The following INTS4 variants were observed in gnomAD, a reference collection of about 807,000 sequenced individuals.
The protein encoded by INTS4 is MSTP093.
INTS4 carries 70 observed loss-of-function variants against 119.5 expected under a neutral mutation model. That is an observed-to-expected ratio of 0.59 (90% CI 0.48 to 0.71). INTS4 has a LOEUF of 0.71. INTS4 is among the 30% of genes least tolerant of loss of function. INTS4 has a pLI of 0.00. For missense variants in INTS4, 867 were observed against 1,173.2 expected, an observed-to-expected ratio of 0.74 and a Z score of 3.81; for synonymous variants, 316 against 419.6, an observed-to-expected ratio of 0.75 and a Z score of 3.02.
chr11:77,987,505 G>A (rs1856499996), intron 2 of INTS4: 1 of 342,860 alleles, frequency 2.9e-6, no homozygotes, highest in South Asian at 2.1e-5. Flanking sequence ...AATAATGGTA[G>A]ATATTGCTAA....
intron 15 of INTS4, among the ~76,000 whole-genome samples, chr11:77,914,054 T>A (rs921840061): frequency 6.6e-6 from 1 of 152,236 alleles, no homozygotes; most frequent in African/African-American, 2.4e-5. Context: ...TGCTTCTGCC[T>A]CTTCTTAGCA....
intron 10 of INTS4, among the ~76,000 whole-genome samples, chr11:77,933,653 G>A (rs1212901566): frequency 6.6e-6 from 1 of 152,162 alleles, no homozygotes; most frequent in African/African-American, 2.4e-5. Context: ...CACCCCGTCT[G>A]GGAAGTGAAG....
chr11:77,896,868 C>T (rs1250821492), intron 18 of INTS4, among the ~76,000 whole-genome samples: 4 of 149,042 alleles, frequency 2.7e-5, no homozygotes, highest in Non-Finnish European at 4.4e-5. Context: ...CGAAGATCAG[C>T]AAGAATATTG....
chr11:77,977,895 G>T (rs111798414), intron 4 of INTS4: 18 of 143,302 alleles, frequency 1.3e-4, no homozygotes, highest in Middle Eastern at 7.1e-3. Context: ...TTGTTTTTTT[G>T]TTTTTTTTTT....
In INTS4 at chr11:77,922,372, G is replaced by GTC. The variant is rs1174106090; in HGVS notation, c.1612_1613dup (p.Asp538GlufsTer51). ...AGAGGATACAAGCTGGATCATCCAT[G>GTC]TCTGGTTCAGCTGTGTCAAAAAATG... On this transcript the variant is annotated frameshift_variant, in exon 13 of 23. Transcript: ENST00000534064. LOFTEE classifies it high-confidence loss of function. The GTC allele has an allele frequency of 6.8e-7, 1 of 1,461,242 alleles. No homozygotes were observed. The highest frequency in any genetic ancestry group is 1.4e-5 in the African/African-American group (1 of 69,952). The allele number at this position is 1,461,242 out of a possible 1,614,324, so 90.5% of individuals were successfully genotyped here. A position where few individuals can be genotyped will look rare whatever the true frequency, so the allele number is the denominator to read the frequency against.
chr11:77,950,901 T>C (rs531324836), intron 8 of INTS4, among the ~76,000 whole-genome samples: 1 of 117,728 alleles, frequency 8.5e-6, no homozygotes, highest in East Asian at 3.0e-4. Flanking sequence ...GGCCCTGGTG[T>C]GTGATGTTCC....
chr11:77,949,588 T>G (rs963553678), intron 8 of INTS4, among the ~76,000 whole-genome samples: 3 of 148,816 alleles, frequency 2.0e-5, no homozygotes, highest in African/African-American at 7.4e-5. Context: ...AAAGAAGACA[T>G]TTATGTGACC....
chr11:77,918,039 T>A, intron 15 of INTS4: 3 of 700,384 alleles, frequency 4.3e-6, no homozygotes, highest in Non-Finnish European at 7.8e-6. Flanking sequence ...ACCTTTCTCT[T>A]CCTGTTTCCT....
chr11:77,946,201 A>G (rs1270153195), intron 8 of INTS4, among the ~76,000 whole-genome samples: 1 of 152,250 alleles, frequency 6.6e-6, no homozygotes, highest in Admixed American at 6.5e-5. Flanking sequence ...AATTGCAAAC[A>G]TCAATGACTA....
intron 22 of INTS4, among the ~76,000 whole-genome samples, chr11:77,881,398 C>G (rs1244970671): frequency 6.6e-6 from 1 of 152,106 alleles, no homozygotes; most frequent in Non-Finnish European, 1.5e-5. Context: ...GGCCCCATCA[C>G]CTAGATTAGG....
chr11:77,993,609 T>C lies in INTS4; in HGVS notation c.54+981A>G, dbSNP rs570305608. Reference sequence around the variant, plus strand: ...AACTTTATACTTAAAATTGTTAAAATTGTAAATTTTATATTATGTATTGAC... The same window carrying C: ...AACTTTATACTTAAAATTGTTAAAACTGTAAATTTTATATTATGTATTGAC... On this transcript the variant is annotated intron_variant, in intron 1 of 22. Transcript: ENST00000534064. Among the ~76,000 whole-genome samples the C allele has an allele frequency of 3.3e-5, 5 of 149,794 alleles. No homozygotes were observed. In the South Asian group the frequency reaches 6.3e-4, roughly 19 times the overall value.
intron 4 of INTS4, among the ~76,000 whole-genome samples, chr11:77,972,463 T>C (rs1436079478): frequency 6.6e-5 from 10 of 151,942 alleles, no homozygotes; most frequent in Admixed American, 2.0e-4. Flanking sequence ...GTCGCCCAGG[T>C]TGGAGTGTGG....
At chr11:77,886,492 G>C (rs1421302552) in intron 21 of INTS4, among the ~76,000 whole-genome samples, 1 of 151,808 alleles carries the variant, frequency 6.6e-6, no homozygotes, top group Non-Finnish European at 1.5e-5. Flanking sequence ...GAATGTCAAA[G>C]TGAAGAAATT....
chr11:77,908,351 T>C (rs1353532852), intron 15 of INTS4, among the ~76,000 whole-genome samples: 2 of 149,814 alleles, frequency 1.3e-5, no homozygotes, highest in African/African-American at 4.9e-5. Flanking sequence ...TTTTTTGAGG[T>C]GGAGTCTCGC....
intron 21 of INTS4, among the ~76,000 whole-genome samples, chr11:77,886,019 A>C (rs2136370729): frequency 6.6e-6 from 1 of 152,038 alleles, no homozygotes; most frequent in Non-Finnish European, 1.5e-5. Flanking sequence ...TGGGCAAAAA[A>C]GTAAGACCCC....
Position 77,892,614 on chromosome 11 carries a change from G to A in INTS4, c.2289-774C>T, listed in dbSNP as rs116382366. Among the ~76,000 whole-genome samples the A allele has an allele frequency of 4.4e-3, 673 of 152,124 alleles. 4 individuals carry two copies. The highest frequency in any genetic ancestry group is 0.015 in the African/African-American group (630 of 41,488). On this transcript the variant is annotated intron_variant, in intron 19 of 22. Transcript: ENST00000534064. ...AATTTTCTTTTTGAGAAGGAGTCTC[G>A]CACTATTGCCCGGGCTGGTGTGCAA... is the stretch of plus-strand genomic sequence containing the variant.
chr11:77,970,843 C>T (rs1855700501), intron 4 of INTS4, among the ~76,000 whole-genome samples: 3 of 152,000 alleles, frequency 2.0e-5, no homozygotes, highest in Admixed American at 2.0e-4. Context: ...AAGAGTCTTG[C>T]TCTTGTCACC....
At chr11:77,888,796 T>C (rs1952131744) in intron 21 of INTS4, among the ~76,000 whole-genome samples, 1 of 152,182 alleles carries the variant, frequency 6.6e-6, no homozygotes. Context: ...AAAGAAGACA[T>C]TTATGCAGCC....
chr11:77,889,198 G>A (rs1215974936), intron 21 of INTS4, among the ~76,000 whole-genome samples: 3 of 152,114 alleles, frequency 2.0e-5, no homozygotes, highest in Admixed American at 1.3e-4. Context: ...ACGATAGACT[G>A]GATTAAGAAA....
Sources: gnomAD v4.1 joint callset for allele counts (sites outside exome capture counted in the v4.1 genomes callset) on GRCh38, gnomAD v4.1.1 for gene constraint, MANE v1.5 for transcripts, NCBI Gene and HGNC (gene_info 2026-07-23, HGNC 2026-07-21) for gene names.